Variants in MGAT4C observed in about 807,000 individuals in gnomAD.
MGAT4C encodes alpha-1,3-mannosyl-glycoprotein 4-beta-N-acetylglucosaminyltransferase C.
In MGAT4C, 19 loss-of-function variants were observed where a neutral mutation model predicts 40.1. That is an observed-to-expected ratio of 0.47 (90% CI 0.33 to 0.70). The LOEUF is 0.70. Among genes scored for constraint, MGAT4C ranks in the 30% least tolerant of loss-of-function variants. The probability of loss-of-function intolerance (pLI) is 0.02; values close to 1 mark genes in which losing one functional copy is unlikely to be tolerated. For missense variants in MGAT4C, 491 were observed against 563.2 expected (o/e 0.87, Z 1.30); for synonymous variants, 181 against 187.1 (o/e 0.97, Z 0.27).
chr12:86,478,149 G>A (rs970485829), intron 2 of MGAT4C, among the ~76,000 whole-genome samples: 2 of 152,232 alleles, frequency 1.3e-5, no homozygotes, highest in African/African-American at 4.8e-5. Context: ...CAGGCACTGA[G>A]GTGGATGCCT....
intron 1 of MGAT4C, among the ~76,000 whole-genome samples, chr12:86,202,999 A>G (rs1593223864): frequency 6.9e-6 from 1 of 145,422 alleles, no homozygotes; most frequent in Admixed American, 7.1e-5. Flanking sequence ...GCTGCTAAGT[A>G]TATGTCACAT....
intron 2 of MGAT4C, among the ~76,000 whole-genome samples, chr12:86,704,423 A>G (rs999801951): frequency 1.1e-4 from 17 of 152,086 alleles, no homozygotes; most frequent in African/African-American, 4.1e-4. Flanking sequence ...AAAAAAACAT[A>G]TACATGTTTA....
rs528856506 is a variant in MGAT4C at position 86,398,907 on chromosome 12, G to T, written c.-120+36250C>A. 6.6e-5 allele frequency among the ~76,000 whole-genome samples: 10 copies of T among 152,148 alleles called. No homozygotes were observed. In the East Asian group the frequency reaches 7.8e-4, roughly 12 times the overall value. On this transcript the variant is annotated intron_variant, in intron 3 of 7. Coordinates refer to the MGAT4C transcript ENST00000548651. ...AAGAAGAATCTGAACAGGCAGGTCT[G>T]GGATTTCCGCTGTCCAGGCCAGGTA... is the stretch of plus-strand genomic sequence containing the variant.
chr12:86,660,094 G>C (rs1963944965), intron 2 of MGAT4C, among the ~76,000 whole-genome samples: 1 of 152,086 alleles, frequency 6.6e-6, no homozygotes, highest in South Asian at 2.1e-4. Context: ...ATCAGACAAT[G>C]CATTATGAAG....
intron 2 of MGAT4C, chr12:86,015,989 A>T (rs1239837675): frequency 6.6e-6 from 1 of 152,176 alleles, no homozygotes; most frequent in African/African-American, 2.4e-5. Flanking sequence ...ATTGAACGCC[A>T]GTGGAATTAT....
intron 4 of MGAT4C, among the ~76,000 whole-genome samples, chr12:86,323,488 C>T (rs1489391896): frequency 7.9e-5 from 12 of 151,230 alleles, no homozygotes; most frequent in South Asian, 2.1e-4. Context: ...AGATATTTTT[C>T]AATATGCAGA....
chr12:86,152,621 G>GTA (rs1566058909), intron 1 of MGAT4C, among the ~76,000 whole-genome samples: 1 of 152,042 alleles, frequency 6.6e-6, no homozygotes, highest in Non-Finnish European at 1.5e-5. Flanking sequence ...TTTTCCCATC[G>GTA]TATATCACAC....
intron 4 of MGAT4C, among the ~76,000 whole-genome samples, chr12:86,297,089 A>G (rs541652121): frequency 1.3e-5 from 2 of 152,376 alleles, no homozygotes; most frequent in Admixed American, 6.5e-5. Context: ...AATATACAGT[A>G]AAAGAACTTT....
chr12:86,162,468 G>T (rs1302108389), intron 1 of MGAT4C, among the ~76,000 whole-genome samples: 1 of 152,028 alleles, frequency 6.6e-6, no homozygotes, highest in African/African-American at 2.4e-5. Context: ...ATAAATATTG[G>T]AATAATAGAG....
intron 1 of MGAT4C, among the ~76,000 whole-genome samples, chr12:86,828,078 T>C (rs1043527567): frequency 1.3e-5 from 2 of 151,128 alleles, no homozygotes; most frequent in African/African-American, 4.8e-5. Flanking sequence ...TTAATGGTAG[T>C]AGGAAAAATT....
At chr12:86,348,753 G>C (rs1227428831) in intron 3 of MGAT4C, among the ~76,000 whole-genome samples, 1 of 152,014 alleles carries the variant, frequency 6.6e-6, no homozygotes, top group Non-Finnish European at 1.5e-5. Flanking sequence ...GAAAACTTCT[G>C]ACTCAATCAT....
intron 2 of MGAT4C, among the ~76,000 whole-genome samples, chr12:86,006,076 C>T (rs1027620193): frequency 2.0e-5 from 3 of 151,980 alleles, no homozygotes. Context: ...AGCTGAAGCT[C>T]GACTATGTGA....
chr12:86,683,370 T>C (rs1376845168), intron 2 of MGAT4C, among the ~76,000 whole-genome samples: 4 of 152,134 alleles, frequency 2.6e-5, no homozygotes, highest in Admixed American at 6.6e-5. Context: ...AAGAAATAAG[T>C]CAAAACTTCT....
At chr12:86,119,431 T>C (rs909805903) in intron 1 of MGAT4C, among the ~76,000 whole-genome samples, 2 of 152,128 alleles carry the variant, frequency 1.3e-5, no homozygotes, top group Non-Finnish European at 2.9e-5. Context: ...TTCCTTTTTT[T>C]TCTTTTTTTC....
At chr12:86,125,915 A>G (rs1488340671) in intron 1 of MGAT4C, among the ~76,000 whole-genome samples, 1 of 150,926 alleles carries the variant, frequency 6.6e-6, no homozygotes, top group African/African-American at 2.4e-5. Context: ...ATTTTTTTTC[A>G]TTTATTCACT....
intron 2 of MGAT4C, among the ~76,000 whole-genome samples, chr12:86,012,251 T>C (rs1052973270): frequency 6.6e-6 from 1 of 152,224 alleles, no homozygotes. Context: ...ATTTTTTTAC[T>C]AATTATGTTG....
intron 2 of MGAT4C, among the ~76,000 whole-genome samples, chr12:86,536,346 C>T (rs1959067609): frequency 6.6e-6 from 1 of 151,952 alleles, no homozygotes; most frequent in Admixed American, 6.6e-5. Context: ...GTCATGTATT[C>T]CTGTTAAGAC....
chr12:86,222,746 G>A lies in MGAT4C; in HGVS notation c.-57+33493C>T, dbSNP rs188289941. Among the ~76,000 whole-genome samples the A allele has an allele frequency of 4.3e-4, 66 of 152,218 alleles. No individual in the cohort carries two copies. The East Asian group carries it at 0.01, about 23-fold the overall frequency. On this transcript the variant is annotated intron_variant, in intron 1 of 4. Transcript: ENST00000611864. ...CTAAAATCTATACATATCACAGAGA[G>A]ATTTTACTTTTGATCTGGCTATTTT...
At chr12:86,309,436 G>A (rs1954015255) in intron 4 of MGAT4C, among the ~76,000 whole-genome samples, 1 of 152,172 alleles carries the variant, frequency 6.6e-6, no homozygotes, top group South Asian at 2.1e-4. Context: ...CATCTGGCTT[G>A]GGCCTTCTTG....
Sources: gnomAD v4.1 joint callset for allele counts (sites outside exome capture counted in the v4.1 genomes callset) on GRCh38, gnomAD v4.1.1 for gene constraint, MANE v1.5 for transcripts, NCBI Gene and HGNC (gene_info 2026-07-23, HGNC 2026-07-21) for gene names.